Variants in SMURF2 observed in about 807,000 individuals in gnomAD.
SMURF2 encodes SMAD specific E3 ubiquitin protein ligase 2, also known as E3 ubiquitin-protein ligase SMURF2.
In SMURF2, 48 loss-of-function variants were observed where a neutral mutation model predicts 109.6. The observed-to-expected ratio is 0.44, with a 90% CI of 0.35 to 0.56. The LOEUF is 0.56. SMURF2 is among the 20% of genes least tolerant of loss of function. SMURF2 has a pLI of 0.01. For missense variants in SMURF2, 575 were observed against 909.0 expected (o/e 0.63, Z 4.72); for synonymous variants, 288 against 317.1 (o/e 0.91, Z 0.97).
rs112960598 is a variant in SMURF2 at position 64,581,041 on chromosome 17, TAG to T, written c.570-52_570-51del. On this transcript the variant is annotated intron_variant, in intron 7 of 18. Transcript: ENST00000262435. The surrounding 1 kb of genome is among the most constrained non-coding windows in gnomAD (Gnocchi z 4.3). The stretch of plus-strand genomic sequence containing the variant: ...ATGTTATCAATTTAGATATCAAAAG[TAG>T]AGTTCTCTAGACAATATATATATAC... 340 of 1,507,624 alleles carry T rather than the reference TAG, an allele frequency of 2.3e-4. No homozygotes were observed. The African/African-American group carries it at 4.1e-3, about 18-fold the overall frequency. 93.4% of individuals were successfully genotyped at this position (1,507,624 alleles called of 1,614,324 possible).
At chr17:64,574,315 TG>T (rs1223300707) in intron 9 of SMURF2, among the ~76,000 whole-genome samples, 2 of 151,912 alleles carry the variant, frequency 1.3e-5, no homozygotes, top group Non-Finnish European at 2.9e-5. Flanking sequence ...TAAAGAAAAA[TG>T]GAATGTTATA....
At chr17:64,632,569 C>A (rs2144711432) in intron 1 of SMURF2, among the ~76,000 whole-genome samples, 1 of 152,348 alleles carries the variant, frequency 6.6e-6, no homozygotes, top group African/African-American at 2.4e-5. Flanking sequence ...AACACATAGT[C>A]AGCCTATTTG....
At chr17:64,614,249 T>C (rs1179063067) in intron 1 of SMURF2, among the ~76,000 whole-genome samples, 1 of 152,162 alleles carries the variant, frequency 6.6e-6, no homozygotes, top group Non-Finnish European at 1.5e-5. Flanking sequence ...AAATTATATA[T>C]ACAGAAAGGC....
At chr17:64,609,103 T>A (rs539119201) in intron 1 of SMURF2, among the ~76,000 whole-genome samples, 1 of 152,236 alleles carries the variant, frequency 6.6e-6, no homozygotes, top group East Asian at 1.9e-4. Context: ...TACAAACCAC[T>A]GCTCAACGAA....
intron 3 of SMURF2, 83 bp downstream of exon 3, chr17:64,598,299 G>A (rs1202534483): frequency 1.2e-5 from 14 of 1,210,634 alleles, no homozygotes; most frequent in Non-Finnish European, 1.6e-5. Context: ...ATGAAACCCA[G>A]ATCATTTCCC....
intron 1 of SMURF2, among the ~76,000 whole-genome samples, chr17:64,644,430 G>GAAA (rs113026393): frequency 3.5e-5 from 4 of 114,824 alleles, no homozygotes; most frequent in South Asian, 2.8e-4. Context: ...ACTAAAAATA[G>GAAA]AAAAAAAAAA....
At chr17:64,573,481 G>C (rs1192306002) in intron 9 of SMURF2, among the ~76,000 whole-genome samples, 2 of 152,046 alleles carry the variant, frequency 1.3e-5, no homozygotes, top group Admixed American at 6.6e-5. Context: ...CAATCATTCT[G>C]ACTTCTGCTA....
At chr17:64,616,588 G>C (rs1455707422) in intron 1 of SMURF2, among the ~76,000 whole-genome samples, 1 of 150,870 alleles carries the variant, frequency 6.6e-6, no homozygotes, top group Non-Finnish European at 1.5e-5. Flanking sequence ...CCAGGAGGCG[G>C]AGGTTACAGT....
intron 9 of SMURF2, among the ~76,000 whole-genome samples, chr17:64,574,638 G>C (rs1568180023): frequency 6.6e-6 from 1 of 152,164 alleles, no homozygotes; most frequent in African/African-American, 2.4e-5. Flanking sequence ...AACAAAAGAT[G>C]TAAGTTTTTA....
chr17:64,606,822 T>C (rs980410331), intron 1 of SMURF2, among the ~76,000 whole-genome samples, 182 bp from the exon 2 acceptor site: 11 of 152,268 alleles, frequency 7.2e-5, no homozygotes, highest in African/African-American at 2.4e-4. Flanking sequence ...GTTGCAACTT[T>C]CAATGATCAC....
At chr17:64,616,593 T>C (rs532117565) in intron 1 of SMURF2, among the ~76,000 whole-genome samples, 1 of 149,738 alleles carries the variant, frequency 6.7e-6, no homozygotes, top group Non-Finnish European at 1.5e-5. Context: ...AGGCGGAGGT[T>C]ACAGTGAGCT....
At position 64,547,145 on chromosome 17, in the gene SMURF2, C is replaced by T. The variant is rs1968968405; in HGVS notation, c.2071+455G>A. ...ATGGTTGTAAACAAATGGTCTGATG[C>T]CATGCAGTAATTAAAATGCTCTGAC... On this transcript the variant is annotated intron_variant, in intron 17 of 18. Coordinates refer to ENST00000262435, the MANE Select transcript of SMURF2 (RefSeq NM_022739.4). This position sits in a 1 kb window ranked among gnomAD's most constrained non-coding sequence, Gnocchi z 4.2. Among the ~76,000 whole-genome samples the T allele has an allele frequency of 6.6e-6, 1 of 152,164 alleles. No homozygotes were observed. The highest frequency in any genetic ancestry group is 2.4e-5 in the African/African-American group (1 of 41,426).
intron 13 of SMURF2, 77 bp downstream of exon 13, chr17:64,557,531 T>C: frequency 1.0e-6 from 1 of 981,498 alleles, no homozygotes; most frequent in South Asian, 1.5e-5. Flanking sequence ...AAATAATTTC[T>C]ATATAATAAA....
rs61060865 is a variant in SMURF2, at chr17:64,613,673, AGTGTGTGTGTGTGTGTGTGTGTGTGT to A, written c.53-7059_53-7034del. Among the ~76,000 whole-genome samples, 168 of 20,796 alleles carry A rather than the reference AGTGTGTGTGTGTGTGTGTGTGTGTGT, an allele frequency of 8.1e-3. 2 individuals are homozygous for A. Among genetic ancestry groups the A allele is most frequent in the Non-Finnish European group, 0.01 (109 of 10,886 alleles). The allele number at this position is 20,796 out of a possible 152,430, so 13.6% of individuals were successfully genotyped here. On this transcript the variant is annotated intron_variant, in intron 1 of 18. Transcript: ENST00000262435. ...ATGGAAGACAAGTTTTCCACGGACC[AGTGTGTGTGTGTGTGTGTGTGTGTGT>A]GTGTGTGTGTGTGTGTGTGTGTGTG...
At chr17:64,572,919 GAA>G (rs1186914233) in intron 9 of SMURF2, 1 of 151,964 alleles carries the variant, frequency 6.6e-6, no homozygotes, top group Non-Finnish European at 1.5e-5. Context: ...CACCAGAAGA[GAA>G]AAGTCACTGC....
At chr17:64,613,720 G>GTGTGTA (rs1970079856) in intron 1 of SMURF2, among the ~76,000 whole-genome samples, 1 of 145,480 alleles carries the variant, frequency 6.9e-6, no homozygotes, top group African/African-American at 2.5e-5. Context: ...GTGTGTGTGT[G>GTGTGTA]TGTGTGTGTG....
chr17:64,642,141 C>T (rs1014808590), intron 1 of SMURF2, among the ~76,000 whole-genome samples: 2 of 152,120 alleles, frequency 1.3e-5, no homozygotes, highest in African/African-American at 4.8e-5. Context: ...TTCTAATAAG[C>T]CCTTTCTAGC....
At chr17:64,615,040 A>G (rs1056578149) in intron 1 of SMURF2, among the ~76,000 whole-genome samples, 6 of 152,218 alleles carry the variant, frequency 3.9e-5, no homozygotes, top group African/African-American at 1.4e-4. Flanking sequence ...GAAAGGAGTT[A>G]TCTATATGCA....
chr17:64,554,181 A>G (rs1246934901), intron 15 of SMURF2, among the ~76,000 whole-genome samples: 1 of 152,206 alleles, frequency 6.6e-6, no homozygotes, highest in Non-Finnish European at 1.5e-5. Flanking sequence ...TGTGATAGCT[A>G]CACCACATGT....
Sources: allele counts gnomAD v4.1 joint callset (sites outside exome capture counted in the v4.1 genomes callset), GRCh38; gene constraint gnomAD v4.1.1; non-coding constraint Gnocchi (gnomAD v3.1); transcripts MANE v1.5; gene names NCBI Gene and HGNC (gene_info 2026-07-23, HGNC 2026-07-21).